Variants in G2E3 observed in about 807,000 individuals in gnomAD.
The protein encoded by G2E3 is G2/M-phase specific E3 ubiquitin protein ligase, also known as G2/M phase-specific E3 ubiquitin-protein ligase.
A neutral mutation model predicts 92.8 loss-of-function variants in G2E3; 35 were observed. The observed-to-expected ratio is 0.38, with a 90% CI of 0.29 to 0.50. G2E3 has a LOEUF of 0.50. Among genes scored for constraint, G2E3 ranks in the 20% least tolerant of loss-of-function variants. The pLI is 0.94. For missense variants in G2E3, 554 were observed against 823.8 expected (o/e 0.67, Z 4.01); for synonymous variants, 242 against 272.4 (o/e 0.89, Z 1.10).
chr14:30,595,291 T>A (rs1881225720), intron 6 of G2E3, among the ~76,000 whole-genome samples: 1 of 152,252 alleles, frequency 6.6e-6, no homozygotes, highest in African/African-American at 2.4e-5. Context: ...TATATGAGAA[T>A]CTTTAAAAAG....
rs1882433395 is a variant in G2E3, at chr14:30,618,786, G to C, written c.*2252G>C. 1 of 152,052 alleles carries C rather than the reference G, an allele frequency of 6.6e-6. No individual in the cohort carries two copies. The highest frequency in any genetic ancestry group is 2.1e-4 in the South Asian group (1 of 4,838). 9.4% of individuals were successfully genotyped at this position (152,052 alleles called of 1,614,324 possible). The stretch of plus-strand genomic sequence containing the variant: ...ACCTGTAGGTTATTTATTTTCTGCA[G>C]TGTCATTTTGTCAAATGGTTGGTAT... On this transcript the variant is annotated 3_prime_UTR_variant, in exon 15 of 15. Transcript: ENST00000206595.
chr14:30,588,780 C>T (rs229247), intron 3 of G2E3, among the ~76,000 whole-genome samples: 74,264 of 152,032 alleles, frequency 0.49, 21,142 homozygotes, highest in African/African-American at 0.79. Context: ...TCTACACTTT[C>T]TCTGATTCAG....
rs865787083 is a variant in G2E3, at chr14:30,595,320, G to T, written c.528+1681G>T. Among the ~76,000 whole-genome samples the T allele has an allele frequency of 9.5e-4, 145 of 152,160 alleles. 2 individuals carry two copies. The Middle Eastern group carries it at 0.014, about 14-fold the overall frequency. ...TAAAAAGTAATTTGTTTTAATTAAG[G>T]GTTTGTATTTGGATGAATATAATTG... On this transcript the variant is annotated intron_variant, in intron 6 of 14. Transcript: ENST00000206595.
At chr14:30,577,187 T>G (rs1880150646) in intron 1 of G2E3, among the ~76,000 whole-genome samples, 1 of 127,738 alleles carries the variant, frequency 7.8e-6, no homozygotes, top group Non-Finnish European at 1.5e-5. Context: ...ATTGCGTCAC[T>G]GCAATCCAGC....
rs557489327 is a variant in G2E3, at chr14:30,572,791, G to A, written c.-4-8285G>A. On this transcript the variant is annotated intron_variant, in intron 1 of 14. Transcript: ENST00000206595. Reference sequence around the variant, plus strand: ...TGCCAGGTACTCTTGTGGCGTTTATGTGTTGTTTCTAATTCTTACAATAAC... The same window carrying A: ...TGCCAGGTACTCTTGTGGCGTTTATATGTTGTTTCTAATTCTTACAATAAC... Among the ~76,000 whole-genome samples, 372 of 151,816 alleles carry A rather than the reference G, an allele frequency of 2.5e-3. 1 individual carries two copies. The highest frequency in any genetic ancestry group is 3.6e-3 in the Non-Finnish European group (243 of 67,948).
At chr14:30,578,611 A>G (rs534389326) in intron 1 of G2E3, among the ~76,000 whole-genome samples, 30 of 152,336 alleles carry the variant, frequency 2.0e-4, no homozygotes, top group African/African-American at 7.0e-4. Context: ...GTTGGATGAC[A>G]GTGTAAATCT....
Position 30,616,762 on chromosome 14 carries a change from T to C in G2E3, c.*228T>C, listed in dbSNP as rs993914562. 14 of 376,762 alleles carry C rather than the reference T, an allele frequency of 3.7e-5. No individual in the cohort carries two copies. The highest frequency in any genetic ancestry group is 3.5e-4 in the South Asian group (9 of 25,366). The allele number at this position is 376,762 out of a possible 1,614,324, so 23.3% of individuals were successfully genotyped here. A position where few individuals can be genotyped will look rare whatever the true frequency, so the allele number is the denominator to read the frequency against. ...GTGATAATTTCTCATTTTCTTGATA[T>C]AGATACTTCATAAACCTCAATATAA... On this transcript the variant is annotated 3_prime_UTR_variant, in exon 15 of 15. Coordinates refer to ENST00000206595, the MANE Select transcript of G2E3 (RefSeq NM_017769.5).
At chr14:30,612,960 T>TA (rs974791236) in intron 13 of G2E3, among the ~76,000 whole-genome samples, 10 of 152,226 alleles carry the variant, frequency 6.6e-5, no homozygotes, top group Non-Finnish European at 1.3e-4. Context: ...TTAAAACTCT[T>TA]ACCACATGAG....
Position 30,617,451 on chromosome 14 carries a change from G to C in G2E3, c.*917G>C, listed in dbSNP as rs561537686. On this transcript the variant is annotated 3_prime_UTR_variant, in exon 15 of 15. Coordinates refer to ENST00000206595, the MANE Select transcript of G2E3 (RefSeq NM_017769.5). ...CCTATGTTTGGTATTCTGTATGTCTGATCCATAATCATTTTAGATATTTGA... is the reference window on the plus strand; with the variant it reads ...CCTATGTTTGGTATTCTGTATGTCTCATCCATAATCATTTTAGATATTTGA... 9 of 151,932 alleles carry C rather than the reference G, an allele frequency of 5.9e-5. No homozygotes were observed. Among genetic ancestry groups the C allele is most frequent in the Non-Finnish European group, 8.8e-5 (6 of 67,920 alleles). 9.4% of individuals were successfully genotyped at this position (151,932 alleles called of 1,614,324 possible).
chr14:30,613,767 G>C (rs574659815), intron 13 of G2E3, among the ~76,000 whole-genome samples: 1 of 151,426 alleles, frequency 6.6e-6, no homozygotes, highest in Admixed American at 6.6e-5. Context: ...TTCTAATTCA[G>C]ATTCTCTATT....
chr14:30,565,049 C>T (rs899834204), intron 1 of G2E3, among the ~76,000 whole-genome samples: 1 of 152,266 alleles, frequency 6.6e-6, no homozygotes, highest in East Asian at 1.9e-4. Context: ...GTGGAATTGC[C>T]AAACTGTTTT....
intron 3 of G2E3, among the ~76,000 whole-genome samples, chr14:30,588,410 G>C (rs1347738544): frequency 6.6e-6 from 1 of 150,886 alleles, no homozygotes; most frequent in Admixed American, 6.6e-5. Flanking sequence ...TTTTCTTTAC[G>C]ATATACTGGT....
intron 1 of G2E3, among the ~76,000 whole-genome samples, chr14:30,565,050 A>G (rs932706481): frequency 5.9e-5 from 9 of 152,234 alleles, no homozygotes; most frequent in Admixed American, 3.9e-4. Flanking sequence ...TGGAATTGCC[A>G]AACTGTTTTC....
intron 4 of G2E3, among the ~76,000 whole-genome samples, chr14:30,590,006 A>G (rs1216250176): frequency 6.6e-6 from 1 of 151,994 alleles, no homozygotes; most frequent in Non-Finnish European, 1.5e-5. Context: ...TCTATTCTCT[A>G]GGATAGGCAT....
At chr14:30,574,784 T>A (rs1297862861) in intron 1 of G2E3, among the ~76,000 whole-genome samples, 1 of 152,238 alleles carries the variant, frequency 6.6e-6, no homozygotes, top group Non-Finnish European at 1.5e-5. Context: ...CACAATATTT[T>A]ATCGTGTATT....
At chr14:30,583,160 ACTT>A (rs1880525209) in intron 2 of G2E3, among the ~76,000 whole-genome samples, 1 of 152,084 alleles carries the variant, frequency 6.6e-6, no homozygotes, top group Non-Finnish European at 1.5e-5. Context: ...GTAGGGATCT[ACTT>A]CTTAGGGATC....
chr14:30,614,878 G>A lies in G2E3; in HGVS notation c.1674-471G>A, dbSNP rs558566294. ...ATTCTTTGCATAAAATTAATTTTCT[G>A]TCATATAAAATATCTGTCATTTGCT... On this transcript the variant is annotated intron_variant, in intron 13 of 14. Transcript: ENST00000206595. Among the ~76,000 whole-genome samples, 10 of 152,086 alleles carry A rather than the reference G, an allele frequency of 6.6e-5. No individual in the cohort carries two copies. In the East Asian group the frequency reaches 1.9e-3, roughly 29 times the overall value.
At chr14:30,594,652 C>A (rs537934164) in intron 6 of G2E3, among the ~76,000 whole-genome samples, 2 of 151,438 alleles carry the variant, frequency 1.3e-5, no homozygotes, top group Non-Finnish European at 2.9e-5. Context: ...AAGATGGCAC[C>A]ACTGCATTCC....
intron 3 of G2E3, 61 bp downstream of exon 3, chr14:30,586,876 C>G: frequency 1.9e-6 from 1 of 535,370 alleles, no homozygotes; most frequent in Non-Finnish European, 3.3e-6. Context: ...TAGTAAGATT[C>G]TGACACTGAT....
Sources: allele counts gnomAD v4.1 joint callset (sites outside exome capture counted in the v4.1 genomes callset), GRCh38; gene constraint gnomAD v4.1.1; transcripts MANE v1.5; gene names NCBI Gene and HGNC (gene_info 2026-07-23, HGNC 2026-07-21).